COX10: variants seen among roughly 807,000 people sequenced by gnomAD.
COX10 encodes cytochrome c oxidase assembly factor heme A:farnesyltransferase COX10, also known as protoheme IX farnesyltransferase, mitochondrial.
In COX10, 27 loss-of-function variants were observed where a neutral mutation model predicts 37.3. That is an observed-to-expected ratio of 0.72 (90% confidence interval 0.53 to 1.00). The LOEUF is 1.00. Among genes scored for constraint, COX10 ranks in the 50% least tolerant of loss-of-function variants. The pLI is 0.00. For missense variants in COX10, 475 were observed against 563.2 expected (o/e 0.84, Z 1.59); for synonymous variants, 222 against 229.1 (o/e 0.97, Z 0.28).
At chr17:14,077,935 T>C (rs1463290391) in intron 3 of COX10, among the ~76,000 whole-genome samples, 6 of 151,262 alleles carry the variant, frequency 4.0e-5, no homozygotes, top group Non-Finnish European at 5.9e-5. Context: ...TTTTTTTTTT[T>C]TTTTTTTTAA....
intron 5 of COX10, chr17:14,182,121 T>G: frequency 2.0e-6 from 2 of 984,104 alleles, no homozygotes; most frequent in Non-Finnish European, 2.4e-6. Context: ...TTGAAAAAAA[T>G]TATTAATATA....
At chr17:14,188,081 G>A (rs1210187698) in intron 5 of COX10, among the ~76,000 whole-genome samples, 2 of 149,374 alleles carry the variant, frequency 1.3e-5, no homozygotes, top group Admixed American at 1.4e-4. Context: ...ACTTGAAGAA[G>A]GAGTAAACAA....
chr17:14,124,486 T>G (rs1916293302), intron 4 of COX10, among the ~76,000 whole-genome samples: 1 of 152,256 alleles, frequency 6.6e-6, no homozygotes, highest in Non-Finnish European at 1.5e-5. Flanking sequence ...TTCAGAATAT[T>G]AGAGTTTGGG....
chr17:14,075,419 C>A (rs1310183457), intron 2 of COX10, among the ~76,000 whole-genome samples: 2 of 152,116 alleles, frequency 1.3e-5, no homozygotes, highest in African/African-American at 2.4e-5. Context: ...ATAGGTGGCT[C>A]CACTCCCATG....
chr17:14,069,833 T>C (rs1190639028), intron 1 of COX10, among the ~76,000 whole-genome samples, 185 bp downstream of exon 1: 1 of 152,160 alleles, frequency 6.6e-6, no homozygotes, highest in Non-Finnish European at 1.5e-5. Context: ...TAGGGTCCAG[T>C]CTTGCACTGT....
intron 3 of COX10, among the ~76,000 whole-genome samples, chr17:14,092,736 A>G (rs1280217242): frequency 6.6e-6 from 1 of 152,180 alleles, no homozygotes; most frequent in Non-Finnish European, 1.5e-5. Flanking sequence ...TTGAAGCTTA[A>G]GGTGCTAATA....
intron 6 of COX10, among the ~76,000 whole-genome samples, chr17:14,201,405 C>T (rs150004592): frequency 1.3e-3 from 199 of 152,300 alleles, no homozygotes; most frequent in African/African-American, 4.5e-3. Context: ...TCCAAACCTC[C>T]TTCATTTGTG....
In COX10 at chr17:14,071,225, C is replaced by T. The variant is rs115961930; in HGVS notation, c.43+1577C>T. ...CAGATTAGCTGTTTTTCTGCCTTTC[C>T]ATTCTATATTGTCAGCTATAGGACA... is the stretch of plus-strand genomic sequence containing the variant. On this transcript the variant is annotated intron_variant, in intron 1 of 6. Transcript: ENST00000261643. 7.8e-3 allele frequency among the ~76,000 whole-genome samples: 1,193 copies of T among 152,174 alleles called. 15 individuals carry two copies. Among genetic ancestry groups the T allele is most frequent in the African/African-American group, 0.028 (1,143 of 41,524 alleles).
chr17:14,189,581 G>T (rs1327277257), intron 5 of COX10, among the ~76,000 whole-genome samples: 2 of 152,186 alleles, frequency 1.3e-5, no homozygotes, highest in African/African-American at 4.8e-5. Flanking sequence ...TTTTCAAACT[G>T]ATGTCTTATC....
chr17:14,069,833 TC>T (rs1240281293), intron 1 of COX10, among the ~76,000 whole-genome samples, 185 bp downstream of exon 1: 1 of 152,160 alleles, frequency 6.6e-6, no homozygotes, highest in Admixed American at 6.5e-5. Context: ...TAGGGTCCAG[TC>T]TTGCACTGTG....
chr17:14,191,962 A>G, intron 5 of COX10, 27 bp from the exon 6 acceptor site: 1 of 1,608,956 alleles, frequency 6.2e-7, no homozygotes, highest in South Asian at 1.1e-5. Context: ...GGAGATGATC[A>G]CTCCAGGTTC....
At chr17:14,163,734 T>C (rs1209748243) in intron 5 of COX10, among the ~76,000 whole-genome samples, 1 of 152,226 alleles carries the variant, frequency 6.6e-6, no homozygotes, top group Non-Finnish European at 1.5e-5. Context: ...GTAATGATTG[T>C]GAAAGTCGGC....
chr17:14,194,224 T>C (rs1906295483), intron 6 of COX10, among the ~76,000 whole-genome samples: 1 of 151,992 alleles, frequency 6.6e-6, no homozygotes, highest in South Asian at 2.1e-4. Context: ...AGGTTCTTGC[T>C]GAGGGCTAGA....
chr17:14,108,488 G>T (rs950751875), intron 4 of COX10, among the ~76,000 whole-genome samples: 19 of 152,080 alleles, frequency 1.2e-4, no homozygotes, highest in African/African-American at 4.3e-4. Context: ...TGAGAACCAG[G>T]TTATAATTAG....
intron 6 of COX10, among the ~76,000 whole-genome samples, chr17:14,196,723 T>A (rs1320286548): frequency 6.6e-6 from 1 of 152,158 alleles, no homozygotes; most frequent in Admixed American, 6.5e-5. Flanking sequence ...TCCTCTCACC[T>A]ACTACTTCCC....
At chr17:14,097,662 C>A (rs1360420157) in intron 3 of COX10, among the ~76,000 whole-genome samples, 1 of 152,062 alleles carries the variant, frequency 6.6e-6, no homozygotes, top group Non-Finnish European at 1.5e-5. Context: ...TGTCATGTAA[C>A]TACATACCCT....
At chr17:14,069,785 G>A in intron 1 of COX10, 137 bp downstream of exon 1, 2 of 1,006,870 alleles carry the variant, frequency 2.0e-6, no homozygotes, top group Non-Finnish European at 3.1e-6. Flanking sequence ...TGGGGGAAAT[G>A]ACCTCTGGAG....
intron 5 of COX10, among the ~76,000 whole-genome samples, chr17:14,181,273 G>A (rs1235100074): frequency 6.6e-6 from 1 of 152,154 alleles, no homozygotes; most frequent in African/African-American, 2.4e-5. Flanking sequence ...ATAGATCAGA[G>A]ATGGCAAAAT....
chr17:14,182,284 A>G, intron 5 of COX10: 1 of 768,100 alleles, frequency 1.3e-6, no homozygotes, highest in South Asian at 5.9e-5. Flanking sequence ...ATAAATAAAT[A>G]AATAAATAAA....
Sources: gnomAD v4.1 joint callset for allele counts (sites outside exome capture counted in the v4.1 genomes callset) on GRCh38, gnomAD v4.1.1 for gene constraint, MANE v1.5 for transcripts, NCBI Gene and HGNC (gene_info 2026-07-23, HGNC 2026-07-21) for gene names.